The following SYN3 variants were observed in gnomAD, a reference collection of about 807,000 sequenced individuals.
The protein encoded by SYN3 is synapsin-3.
SYN3 carries 35 observed loss-of-function variants against 65.8 expected under a neutral mutation model. That is an observed-to-expected ratio of 0.53 (90% CI 0.41 to 0.70). The LOEUF (loss-of-function observed/expected upper bound fraction) is 0.70, where lower values mean the gene tolerates loss of function less well. Among genes scored for constraint, SYN3 ranks in the 30% least tolerant of loss-of-function variants. The pLI is 0.00. For missense variants in SYN3, 680 were observed against 749.0 expected, an observed-to-expected ratio of 0.91 and a Z score of 1.08; for synonymous variants, 270 against 292.9, an observed-to-expected ratio of 0.92 and a Z score of 0.80.
chr22:32,965,373 C>T (rs561187471), intron 3 of SYN3, among the ~76,000 whole-genome samples: 2 of 152,188 alleles, frequency 1.3e-5, no homozygotes, highest in South Asian at 4.1e-4. Flanking sequence ...CATCTTTCCC[C>T]ACTCTGGATA....
At chr22:32,729,273 GA>G (rs1347564480) in intron 6 of SYN3, among the ~76,000 whole-genome samples, 1 of 152,202 alleles carries the variant, frequency 6.6e-6, no homozygotes, top group African/African-American at 2.4e-5. Context: ...TTAAACGAAT[GA>G]GTGAGTGAAT....
At chr22:32,858,467 G>A (rs1428804198) in intron 6 of SYN3, among the ~76,000 whole-genome samples, 1 of 152,142 alleles carries the variant, frequency 6.6e-6, no homozygotes, top group African/African-American at 2.4e-5. Context: ...ACACTGGCAG[G>A]TTCTCCCAAG....
chr22:32,643,128 G>C (rs2059927244), intron 6 of SYN3, among the ~76,000 whole-genome samples: 1 of 152,064 alleles, frequency 6.6e-6, no homozygotes, highest in African/African-American at 2.4e-5. Context: ...ACTCAGGCCG[G>C]AGTGCAATGA....
chr22:32,899,558 T>C (rs1476878197), intron 4 of SYN3, among the ~76,000 whole-genome samples: 1 of 152,234 alleles, frequency 6.6e-6, no homozygotes, highest in African/African-American at 2.4e-5. Flanking sequence ...CAGTGGCCTC[T>C]ATATGGCTTT....
intron 6 of SYN3, among the ~76,000 whole-genome samples, chr22:32,712,077 T>C (rs983487605): frequency 2.6e-5 from 4 of 152,186 alleles, no homozygotes; most frequent in Non-Finnish European, 5.9e-5. Flanking sequence ...CTCACGAAGA[T>C]TAAACCCATC....
rs186263304 is a variant in SYN3, at chr22:32,988,433, G to A, written c.312-7731C>T. On this transcript the variant is annotated intron_variant, in intron 2 of 13. Transcript: ENST00000358763. ...TAAGATGTGGGGTGCAGGGGAAATT[G>A]GACTTCAGTTGGTAGAAAAGGCTTC... Among the ~76,000 whole-genome samples, 20 of 152,074 alleles carry A rather than the reference G, an allele frequency of 1.3e-4. No individual in the cohort carries two copies. The East Asian group carries it at 3.5e-3, about 26-fold the overall frequency.
At chr22:32,520,427 G>T (rs1568998500) in intron 12 of SYN3, among the ~76,000 whole-genome samples, 1 of 152,008 alleles carries the variant, frequency 6.6e-6, no homozygotes, top group African/African-American at 2.4e-5. Flanking sequence ...GTGAGCCACT[G>T]TGCTTGGCCC....
At chr22:32,697,370 T>A (rs1488252141) in intron 6 of SYN3, among the ~76,000 whole-genome samples, 1 of 152,208 alleles carries the variant, frequency 6.6e-6, no homozygotes, top group Non-Finnish European at 1.5e-5. Context: ...ATGTAAGCAA[T>A]TTGAGCTTCA....
intron 6 of SYN3, among the ~76,000 whole-genome samples, chr22:32,792,261 A>T (rs946474365): frequency 6.6e-6 from 1 of 152,226 alleles, no homozygotes; most frequent in Admixed American, 6.5e-5. Flanking sequence ...CAGACTTATG[A>T]CATCACAGGC....
intron 3 of SYN3, among the ~76,000 whole-genome samples, chr22:32,940,834 C>T (rs1302437206): frequency 6.6e-6 from 1 of 152,160 alleles, no homozygotes; most frequent in African/African-American, 2.4e-5. Context: ...CCAGTGATGA[C>T]AGGAGCAAAG....
At chr22:32,786,027 AAT>A (rs2046186054) in intron 6 of SYN3, among the ~76,000 whole-genome samples, 3 of 152,142 alleles carry the variant, frequency 2.0e-5, no homozygotes, top group Non-Finnish European at 2.9e-5. Context: ...AGAAAAAAAA[AAT>A]ACAGCATTCT....
chr22:32,621,594 A>C (rs2059594881), intron 6 of SYN3, among the ~76,000 whole-genome samples: 1 of 152,096 alleles, frequency 6.6e-6, no homozygotes, highest in Admixed American at 6.5e-5. Flanking sequence ...CTTGCCAAGC[A>C]ATGCACCTGG....
chr22:32,587,830 A>G (rs1321277394), intron 7 of SYN3, among the ~76,000 whole-genome samples: 1 of 152,082 alleles, frequency 6.6e-6, no homozygotes, highest in Non-Finnish European at 1.5e-5. Context: ...CCAACCTGTC[A>G]TCATTACTCT....
intron 6 of SYN3, among the ~76,000 whole-genome samples, chr22:32,774,681 G>A (rs922208431): frequency 6.6e-6 from 1 of 151,912 alleles, no homozygotes; most frequent in Non-Finnish European, 1.5e-5. Flanking sequence ...CGCAAGCTCC[G>A]CCTCCGGGGT....
At chr22:32,644,325 T>C (rs1458381874) in intron 6 of SYN3, among the ~76,000 whole-genome samples, 1 of 151,748 alleles carries the variant, frequency 6.6e-6, no homozygotes, top group African/African-American at 2.4e-5. Flanking sequence ...ACATTCAGGG[T>C]TGGAGGCTGG....
At chr22:32,926,057 G>T (rs1348194998) in intron 4 of SYN3, among the ~76,000 whole-genome samples, 1 of 152,050 alleles carries the variant, frequency 6.6e-6, no homozygotes, top group African/African-American at 2.4e-5. Context: ...TTGCCATATT[G>T]CCCAGGCTTG....
intron 6 of SYN3, among the ~76,000 whole-genome samples, chr22:32,694,464 T>C (rs1336700973): frequency 6.6e-6 from 1 of 152,228 alleles, no homozygotes; most frequent in Non-Finnish European, 1.5e-5. Flanking sequence ...TATTCCTAAA[T>C]TGATAATATT....
intron 6 of SYN3, chr22:32,859,173 A>C (rs1264624110): frequency 6.2e-7 from 1 of 1,614,138 alleles, no homozygotes; most frequent in Non-Finnish European, 8.5e-7. Flanking sequence ...CTGTTATCTA[A>C]TTGCAGATCA....
chr22:32,770,183 T>C (rs2045731004), intron 6 of SYN3, among the ~76,000 whole-genome samples: 1 of 152,092 alleles, frequency 6.6e-6, no homozygotes, highest in South Asian at 2.1e-4. Context: ...CAAAATAAAA[T>C]CAGAATTGAC....
Sources: gnomAD v4.1 joint callset for allele counts (sites outside exome capture counted in the v4.1 genomes callset) on GRCh38, gnomAD v4.1.1 for gene constraint, MANE v1.5 for transcripts, NCBI Gene and HGNC (gene_info 2026-07-23, HGNC 2026-07-21) for gene names.